TMEM131L: variants seen among roughly 807,000 people sequenced by gnomAD.
TMEM131L encodes transmembrane protein 131-like.
TMEM131L carries 54 observed loss-of-function variants against 192.2 expected under a neutral mutation model. The observed-to-expected ratio is 0.28, with a 90% CI of 0.23 to 0.35. The LOEUF (loss-of-function observed/expected upper bound fraction) is 0.35, where lower values mean the gene tolerates loss of function less well. Among genes scored for constraint, TMEM131L ranks in the 10% least tolerant of loss-of-function variants. TMEM131L has a pLI of 1.00. For synonymous variants in TMEM131L, 701 were observed against 704.9 expected, an observed-to-expected ratio of 0.99 and a Z score of 0.09; for missense variants, 1,888 against 1,972.9, an observed-to-expected ratio of 0.96 and a Z score of 0.82.
intron 3 of TMEM131L, among the ~76,000 whole-genome samples, chr4:153,500,903 C>T (rs773377355): frequency 9.2e-5 from 14 of 151,854 alleles, no homozygotes; most frequent in Admixed American, 2.6e-4. Flanking sequence ...TCTCCAGAGA[C>T]GCCGTTTAAT....
At chr4:153,590,835 T>C (rs1340967260) in intron 16 of TMEM131L, among the ~76,000 whole-genome samples, 2 of 152,000 alleles carry the variant, frequency 1.3e-5, no homozygotes, top group Admixed American at 1.3e-4. Flanking sequence ...ACATGTTCTG[T>C]TGTTTGAGTG....
chr4:153,470,685 C>T (rs1380587512), intron 2 of TMEM131L, among the ~76,000 whole-genome samples: 1 of 152,218 alleles, frequency 6.6e-6, no homozygotes, highest in Non-Finnish European at 1.5e-5. Flanking sequence ...GTGCAGGATA[C>T]GGCTTTGTGT....
intron 7 of TMEM131L, among the ~76,000 whole-genome samples, chr4:153,577,202 G>T (rs1730009600): frequency 6.6e-6 from 1 of 152,172 alleles, no homozygotes; most frequent in South Asian, 2.1e-4. Flanking sequence ...AGTGAGGTTG[G>T]AGCATGCGCA....
At chr4:153,586,628 T>G (rs1436212994) in intron 14 of TMEM131L, among the ~76,000 whole-genome samples, 3 of 152,188 alleles carry the variant, frequency 2.0e-5, no homozygotes, top group Admixed American at 2.0e-4. Flanking sequence ...ACCAATAGAT[T>G]AATAGATGTC....
At chr4:153,492,392 A>AT (rs1423715576) in intron 3 of TMEM131L, among the ~76,000 whole-genome samples, 1 of 152,184 alleles carries the variant, frequency 6.6e-6, no homozygotes. Context: ...CCTTATCCAA[A>AT]TTATTACATT....
chr4:153,532,482 A>G (rs1025657870), intron 3 of TMEM131L, among the ~76,000 whole-genome samples: 3 of 151,858 alleles, frequency 2.0e-5, no homozygotes, highest in African/African-American at 7.3e-5. Flanking sequence ...TACAATTCAC[A>G]TGGCATACAA....
rs759321770 is a variant in TMEM131L, at chr4:153,602,563, C to T, written c.2475C>T (p.Ser825=). 4 of 1,614,046 alleles carry T rather than the reference C, an allele frequency of 2.5e-6. No individual in the cohort carries two copies. The highest frequency in any genetic ancestry group is 3.3e-5 in the Admixed American group (2 of 60,016). Reference sequence around the variant, plus strand: ...TCAGGTTCACTCCAGACTTTACCTCCTCCTGGGTAATTCGGGACCTAAGTC... The same window carrying T: ...TCAGGTTCACTCCAGACTTTACCTCTTCCTGGGTAATTCGGGACCTAAGTC... ...ISIVFTPDFT[S]SWVIRDLSLV... The change falls in exon 23 of 35, where the codon TCC becomes TCT. Residue 825 remains serine, a synonymous_variant. Transcript: ENST00000409959.
chr4:153,611,828 C>G lies in TMEM131L; in HGVS notation c.3419-424C>G, dbSNP rs1307665695. Among the ~76,000 whole-genome samples, 7 of 152,214 alleles carry G rather than the reference C, an allele frequency of 4.6e-5. No homozygotes were observed. The East Asian group carries it at 1.3e-3, about 29-fold the overall frequency. On this transcript the variant is annotated intron_variant, in intron 25 of 34. Coordinates refer to ENST00000409959, the MANE Select transcript of TMEM131L (RefSeq NM_001131007.2). ...ACTTTCATTCCTTTTTTGAAAAAAC[C>G]ATCTTGACCATCTTAACCGTACAGT...
At chr4:153,508,954 C>A (rs1240889802) in intron 3 of TMEM131L, among the ~76,000 whole-genome samples, 1 of 151,942 alleles carries the variant, frequency 6.6e-6, no homozygotes, top group Non-Finnish European at 1.5e-5. Context: ...TAGTGTTTTT[C>A]TTTAAATGGC....
chr4:153,527,195 G>T (rs1288962340), intron 3 of TMEM131L, among the ~76,000 whole-genome samples: 2 of 152,124 alleles, frequency 1.3e-5, no homozygotes, highest in Non-Finnish European at 2.9e-5. Flanking sequence ...AATAGTAAAT[G>T]AATCTTGCAA....
chr4:153,595,733 G>T (rs1226277414), intron 19 of TMEM131L, among the ~76,000 whole-genome samples: 2 of 137,760 alleles, frequency 1.5e-5, no homozygotes, highest in African/African-American at 5.2e-5. Flanking sequence ...AAAAAAACAC[G>T]ACATCTTGGA....
chr4:153,500,275 A>T (rs577998447), intron 3 of TMEM131L, among the ~76,000 whole-genome samples: 1 of 151,956 alleles, frequency 6.6e-6, no homozygotes, highest in Admixed American at 6.6e-5. Flanking sequence ...GCTAATTTTT[A>T]TATATTCCTT....
rs2149691392 is a variant in TMEM131L, at chr4:153,467,284, G to A, written c.195+3G>A. The stretch of plus-strand genomic sequence containing the variant: ...GGGAACTCCTGCTGCCCACTCAGGT[G>A]AGGACGACCAGGTGACAGGGCGGCT... On this transcript the variant is annotated splice_donor_region_variant and intron_variant, in intron 2 of 34. Coordinates refer to ENST00000409959, the MANE Select transcript of TMEM131L (RefSeq NM_001131007.2). 2.6e-6 allele frequency: 4 copies of A among 1,551,536 alleles called. No homozygotes were observed. Among genetic ancestry groups the A allele is most frequent in the Admixed American group, 2.0e-5 (1 of 51,014 alleles).
intron 3 of TMEM131L, among the ~76,000 whole-genome samples, chr4:153,526,542 G>A (rs1580138256): frequency 1.3e-5 from 2 of 151,940 alleles, no homozygotes; most frequent in Admixed American, 6.6e-5. Flanking sequence ...AGACCATCCC[G>A]GCTAACACGG....
chr4:153,564,117 C>T (rs1299817127), intron 7 of TMEM131L, among the ~76,000 whole-genome samples: 7 of 151,532 alleles, frequency 4.6e-5, no homozygotes, highest in African/African-American at 1.2e-4. Context: ...GGTGAAACCC[C>T]GTCTCTACTA....
chr4:153,579,568 CTCAA>C (rs953634690), intron 7 of TMEM131L, among the ~76,000 whole-genome samples: 3 of 152,080 alleles, frequency 2.0e-5, no homozygotes, highest in Admixed American at 1.3e-4. Flanking sequence ...ACCTCTTGGG[CTCAA>C]TCAATCATCC....
At chr4:153,468,728 C>G (rs887165688) in intron 2 of TMEM131L, among the ~76,000 whole-genome samples, 3 of 152,096 alleles carry the variant, frequency 2.0e-5, no homozygotes, top group Non-Finnish European at 4.4e-5. Flanking sequence ...GTGGCACTCA[C>G]TGCTGCTTCC....
intron 21 of TMEM131L, among the ~76,000 whole-genome samples, chr4:153,600,255 TAGTC>T (rs1484144595): frequency 6.6e-6 from 1 of 151,520 alleles, no homozygotes; most frequent in Non-Finnish European, 1.5e-5. Flanking sequence ...TAGTCCCAGT[TAGTC>T]AGGAGGCAGA....
chr4:153,493,218 C>T (rs941599045), intron 3 of TMEM131L, among the ~76,000 whole-genome samples: 2 of 151,106 alleles, frequency 1.3e-5, no homozygotes, highest in African/African-American at 2.4e-5. Flanking sequence ...TGGTGGCAGG[C>T]GCCTGTAGTC....
Sources: allele counts gnomAD v4.1 joint callset (sites outside exome capture counted in the v4.1 genomes callset), GRCh38; gene constraint gnomAD v4.1.1; transcripts MANE v1.5; gene names NCBI Gene and HGNC (gene_info 2026-07-23, HGNC 2026-07-21).